Variants in SHOC1 observed in about 807,000 individuals in gnomAD.
SHOC1 encodes protein shortage in chiasmata 1 ortholog.
SHOC1 carries 136 observed loss-of-function variants against 179.2 expected under a neutral mutation model. The ratio of observed to expected loss-of-function variants is 0.76; its 90% CI spans 0.66 to 0.87. The LOEUF is 0.87. SHOC1 is among the 40% of genes least tolerant of loss of function. SHOC1 has a pLI of 0.00. For missense variants in SHOC1, 1,538 were observed against 1,700.8 expected (o/e 0.90, Z 1.68); for synonymous variants, 489 against 586.6 (o/e 0.83, Z 2.41).
chr9:111,731,195 G>C (rs13298316), intron 12 of SHOC1, among the ~76,000 whole-genome samples: 8,331 of 152,184 alleles, frequency 0.055, 555 homozygotes, highest in African/African-American at 0.16. Context: ...TTAGCAATAA[G>C]ACTATTTAAC....
chr9:111,726,004 T>C (rs750624446), intron 13 of SHOC1, among the ~76,000 whole-genome samples: 5 of 152,120 alleles, frequency 3.3e-5, no homozygotes, highest in Non-Finnish European at 7.4e-5. Context: ...CAAATATAAA[T>C]AGAATCAGAA....
intron 11 of SHOC1, among the ~76,000 whole-genome samples, chr9:111,740,374 CTT>C (rs1056765890): frequency 1.3e-5 from 2 of 152,134 alleles, no homozygotes; most frequent in African/African-American, 4.8e-5. Flanking sequence ...CCTGTTTTCA[CTT>C]TGTTTTTGGC....
chr9:111,749,855 C>G (rs1834491544), intron 8 of SHOC1, among the ~76,000 whole-genome samples: 1 of 152,210 alleles, frequency 6.6e-6, no homozygotes, highest in East Asian at 1.9e-4. Flanking sequence ...GACATAATCT[C>G]ATTCCTTTTT....
At chr9:111,728,215 T>C (rs1375219057) in intron 12 of SHOC1, among the ~76,000 whole-genome samples, 166 bp from the exon 13 acceptor site, 2 of 152,170 alleles carry the variant, frequency 1.3e-5, no homozygotes, top group East Asian at 3.8e-4. Context: ...ATAAAATAAA[T>C]TTTTAAAAAG....
At chr9:111,787,397 A>G (rs968180781) in intron 2 of SHOC1, among the ~76,000 whole-genome samples, 1 of 152,372 alleles carries the variant, frequency 6.6e-6, no homozygotes. Context: ...AAATATCAAC[A>G]TGAACAGAAG....
Position 111,712,962 on chromosome 9 carries a change from C to T in SHOC1, c.2488+138G>A. 5.2e-6 allele frequency: 3 copies of T among 581,906 alleles called. No homozygotes were observed. In the South Asian group the frequency reaches 6.8e-5, roughly 13 times the overall value. The allele number at this position is 581,906 out of a possible 1,614,324, so 36.0% of individuals were successfully genotyped here. On this transcript the variant is annotated intron_variant, in intron 18 of 27. Transcript: ENST00000682961. ...GATTGATTTAAAAGCTGGTTAGATC[C>T]CAATGAGTTATACGCTTTCTAAGGG... is the stretch of plus-strand genomic sequence containing the variant.
At chr9:111,759,435 A>C in intron 5 of SHOC1, 1 of 1,343,030 alleles carries the variant, frequency 7.4e-7, no homozygotes, top group Non-Finnish European at 9.6e-7. Context: ...TTATGTATTA[A>C]GAAACACTAC....
At chr9:111,758,652 A>G (rs561590457) in intron 6 of SHOC1, 43 bp downstream of exon 6, 2 of 1,502,350 alleles carry the variant, frequency 1.3e-6, no homozygotes, top group South Asian at 1.3e-5. Flanking sequence ...AAACATTTTC[A>G]CCTCTTAAAA....
intron 10 of SHOC1, among the ~76,000 whole-genome samples, chr9:111,743,143 G>A (rs1834118770): frequency 6.6e-6 from 1 of 152,060 alleles, no homozygotes; most frequent in Non-Finnish European, 1.5e-5. Flanking sequence ...AAAATGTTGT[G>A]CTCTGAAATA....
Position 111,741,494 on chromosome 9 carries a change from T to C in SHOC1, c.1156A>G (p.Asn386Asp). The change falls in exon 11 of 28, where the codon AAC (asparagine) becomes GAC (aspartate). Residue 386 changes from asparagine to aspartate, a missense_variant. Physicochemically the swap from Asn to Asp is conservative, Grantham distance 23 (BLOSUM62 1). Coordinates refer to ENST00000682961, the MANE Select transcript of SHOC1 (RefSeq NM_001378211.1). ...WQLERCRSPL[N>D]PFLLTVPRIQ... ...TCTTTACCTGTAAGCAAAAATGGGTTCAAAGGGCTTCTACATCTTTCTAAT... is the reference window on the plus strand; with the variant it reads ...TCTTTACCTGTAAGCAAAAATGGGTCCAAAGGGCTTCTACATCTTTCTAAT... 1 of 1,610,938 alleles carries C rather than the reference T, an allele frequency of 6.2e-7. No individual in the cohort carries two copies. Among genetic ancestry groups the C allele is most frequent in the Non-Finnish European group, 8.5e-7 (1 of 1,177,648 alleles).
intron 20 of SHOC1, among the ~76,000 whole-genome samples, 192 bp downstream of exon 20, chr9:111,706,376 A>T (rs1440183288): frequency 6.6e-6 from 1 of 152,142 alleles, no homozygotes; most frequent in Non-Finnish European, 1.5e-5. Flanking sequence ...AGTAAAGCTT[A>T]CTTTACAAAT....
intron 5 of SHOC1, among the ~76,000 whole-genome samples, chr9:111,767,013 A>C (rs1237156227): frequency 7.2e-6 from 1 of 139,236 alleles, no homozygotes; most frequent in Non-Finnish European, 1.5e-5. Context: ...GTGTCTGTTC[A>C]TATCTTTTGC....
Position 111,791,457 on chromosome 9 carries a change from G to A in SHOC1, c.-36-3C>T. ...CAAAGCAGTGTAAATTTCAACATCT[G>A]GAAATACAAAAATTAAAATTAAACA... On this transcript the variant is annotated splice_region_variant and splice_polypyrimidine_tract_variant and intron_variant, in intron 1 of 27. Transcript: ENST00000682961. The A allele has an allele frequency of 5.2e-6, 7 of 1,335,532 alleles. No individual in the cohort carries two copies. The highest frequency in any genetic ancestry group is 1.7e-5 in the South Asian group (1 of 57,270). 82.7% of individuals were successfully genotyped at this position (1,335,532 alleles called of 1,614,324 possible). A position where few individuals can be genotyped will look rare whatever the true frequency, so the allele number is the denominator to read the frequency against.
chr9:111,744,282 A>G (rs1834165644), intron 10 of SHOC1, among the ~76,000 whole-genome samples: 1 of 152,238 alleles, frequency 6.6e-6, no homozygotes, highest in East Asian at 1.9e-4. Context: ...TACCTTATCA[A>G]GAGAACTAAA....
intron 16 of SHOC1, among the ~76,000 whole-genome samples, chr9:111,716,918 C>A (rs950783327): frequency 6.6e-5 from 10 of 152,210 alleles, no homozygotes; most frequent in Admixed American, 2.6e-4. Context: ...AAGAACCCTA[C>A]TTTACAGTAC....
chr9:111,713,489 A>C (rs1011808449), intron 17 of SHOC1, among the ~76,000 whole-genome samples: 1 of 152,182 alleles, frequency 6.6e-6, no homozygotes, highest in Non-Finnish European at 1.5e-5. Context: ...AATTTGTTGG[A>C]GAAAACCCGT....
chr9:111,698,103 A>G (rs1368430132), intron 24 of SHOC1, among the ~76,000 whole-genome samples: 2 of 152,142 alleles, frequency 1.3e-5, no homozygotes, highest in Non-Finnish European at 2.9e-5. Context: ...CCTTTGTCAG[A>G]TGGGTAGATT....
At position 111,700,270 on chromosome 9, in the gene SHOC1, T is replaced by A. The variant is rs554157844; in HGVS notation, c.3090-223A>T. On this transcript the variant is annotated intron_variant, in intron 23 of 27. Transcript: ENST00000682961. ...CTGTCAAATCTACGGGATACATGTG[T>A]GTTAGGGGAGGTGTGAGTTGTGGGA... Among the ~76,000 whole-genome samples, 10 of 152,116 alleles carry A rather than the reference T, an allele frequency of 6.6e-5. No homozygotes were observed. The East Asian group carries it at 1.7e-3, about 26-fold the overall frequency.
intron 4 of SHOC1, among the ~76,000 whole-genome samples, chr9:111,776,524 C>T (rs1462746827): frequency 6.6e-6 from 1 of 152,136 alleles, no homozygotes; most frequent in Non-Finnish European, 1.5e-5. Context: ...AATAAAATTA[C>T]CCAGCCTTTT....
Sources: gnomAD v4.1 joint callset for allele counts (sites outside exome capture counted in the v4.1 genomes callset) on GRCh38, gnomAD v4.1.1 for gene constraint, MANE v1.5 for transcripts, NCBI Gene and HGNC (gene_info 2026-07-23, HGNC 2026-07-21) for gene names.